The following CFAP44 variants were observed in gnomAD, a reference collection of about 807,000 sequenced individuals.
CFAP44 encodes cilia and flagella associated protein 44, also known as cilia- and flagella-associated protein 44.
A neutral mutation model predicts 216.2 loss-of-function variants in CFAP44; 134 were observed. The ratio of observed to expected loss-of-function variants is 0.62; its 90% CI spans 0.54 to 0.72. The LOEUF (loss-of-function observed/expected upper bound fraction) is 0.72, where lower values mean the gene tolerates loss of function less well. Ranked by LOEUF, CFAP44 falls within the 30% of genes least tolerant of loss-of-function variation. The pLI, the probability that CFAP44 is intolerant of heterozygous loss-of-function variation, is 0.00. For missense variants in CFAP44, 2,035 were observed against 2,182.1 expected (o/e 0.93, Z 1.34); for synonymous variants, 700 against 727.6 (o/e 0.96, Z 0.61).
rs61412100 is a variant in CFAP44 at position 113,401,949 on chromosome 3, T to C, written c.1171-210A>G. 3.0e-4 allele frequency among the ~76,000 whole-genome samples: 45 copies of C among 152,346 alleles called. 3 individuals are homozygous for C. The East Asian group carries it at 8.5e-3, about 29-fold the overall frequency. On this transcript the variant is annotated intron_variant, in intron 9 of 34. Transcript: ENST00000393845. ...GGTATGATAAGCTATTATAGTTTCC[T>C]TTATATTTATAAAGATTAGTGAGAA... is the stretch of plus-strand genomic sequence containing the variant.
chr3:113,317,030 C>T (rs546440127), intron 28 of CFAP44, among the ~76,000 whole-genome samples: 4 of 152,132 alleles, frequency 2.6e-5, no homozygotes, highest in East Asian at 3.9e-4. Context: ...GAGGCAACAG[C>T]GAAGGTGAGG....
intron 15 of CFAP44, among the ~76,000 whole-genome samples, chr3:113,393,444 G>A (rs537877169): frequency 2.0e-5 from 3 of 152,190 alleles, no homozygotes; most frequent in South Asian, 4.1e-4. Flanking sequence ...ATTTCCCTAG[G>A]TGGGGAAGGG....
chr3:113,419,989 G>T (rs201875306), intron 5 of CFAP44, 28 bp downstream of exon 5: 156 of 1,602,918 alleles, frequency 9.7e-5, no homozygotes, highest in South Asian at 2.6e-4. Flanking sequence ...GTTTTTTGGG[G>T]TTTTTTTCTA....
In CFAP44 at chr3:113,420,150, C is replaced by T. The variant is rs773353688; in HGVS notation, c.437G>A (p.Arg146Gln). The change falls in exon 5 of 35, where the codon CGA becomes CAA. Residue 146 changes from arginine (R) to glutamine (Q), a missense_variant. Around this residue, in one of 3 missense-constraint regions of CFAP44, gnomAD observed 1,883 missense variants for 2,023.7 expected, o/e 0.93. Coordinates refer to ENST00000393845, the MANE Select transcript of CFAP44 (RefSeq NM_001164496.2). ...VHSFGYDCRK[R>Q]ANLQLLDDSI... ...GTCGTCCAGAAGTTGTAGGTTGGCTCGCTTTCTACAGTCATAACCAAAAGA... is the reference window on the plus strand; with the variant it reads ...GTCGTCCAGAAGTTGTAGGTTGGCTTGCTTTCTACAGTCATAACCAAAAGA... 4 of 1,613,310 alleles carry T rather than the reference C, an allele frequency of 2.5e-6. No individual in the cohort carries two copies. Among genetic ancestry groups the T allele is most frequent in the South Asian group, 1.1e-5 (1 of 90,910 alleles).
At chr3:113,438,596 C>G (rs1250710504) in intron 1 of CFAP44, among the ~76,000 whole-genome samples, 1 of 152,186 alleles carries the variant, frequency 6.6e-6, no homozygotes, top group Non-Finnish European at 1.5e-5. Flanking sequence ...GATGAAAGAA[C>G]AAGATTGTCA....
intron 15 of CFAP44, among the ~76,000 whole-genome samples, chr3:113,383,818 G>A (rs185438944): frequency 1.2e-4 from 19 of 152,138 alleles, no homozygotes; most frequent in African/African-American, 4.1e-4. Flanking sequence ...TGTTACATAG[G>A]TATACACGTG....
intron 33 of CFAP44, 40 bp from the exon 34 acceptor site, chr3:113,294,861 C>A: frequency 1.4e-6 from 2 of 1,476,232 alleles, no homozygotes; most frequent in South Asian, 2.8e-5. Context: ...GTAGTGAATA[C>A]GAGAAGAAAG....
intron 28 of CFAP44, among the ~76,000 whole-genome samples, chr3:113,311,053 G>C (rs571388796): frequency 3.3e-5 from 5 of 152,186 alleles, no homozygotes; most frequent in African/African-American, 7.2e-5. Flanking sequence ...ATCTCCAACT[G>C]AGTGAAAAAA....
intron 8 of CFAP44, among the ~76,000 whole-genome samples, chr3:113,405,033 A>G (rs1042691251): frequency 6.6e-6 from 1 of 152,214 alleles, no homozygotes; most frequent in Non-Finnish European, 1.5e-5. Flanking sequence ...TTGACTTAAA[A>G]AGTCTTATTT....
Position 113,304,410 on chromosome 3 carries a change from G to A in CFAP44, c.4876-293C>T, listed in dbSNP as rs780752618. On this transcript the variant is annotated intron_variant, in intron 31 of 34. Coordinates refer to ENST00000393845, the MANE Select transcript of CFAP44 (RefSeq NM_001164496.2). ...TCAGGGCTGGCATACTAGGCAAACC[G>A]CTCCATTTAGCTCATCCAGTTTGGG... 225 of 331,294 alleles carry A rather than the reference G, an allele frequency of 6.8e-4. 3 individuals carry two copies. The highest frequency in any genetic ancestry group is 1.0e-3 in the Non-Finnish European group (186 of 181,378). The allele number at this position is 331,294 out of a possible 1,614,324, so 20.5% of individuals were successfully genotyped here. A position where few individuals can be genotyped will look rare whatever the true frequency, so the allele number is the denominator to read the frequency against.
rs989025202 is a variant in CFAP44 at position 113,342,020 on chromosome 3, A to G, written c.3263-102T>C. On this transcript the variant is annotated intron_variant, in intron 23 of 34. Coordinates refer to ENST00000393845, the MANE Select transcript of CFAP44 (RefSeq NM_001164496.2). ...GCATTAGAAAAAACACAGAGAATAT[A>G]TTGAATTTGTAAATCAAAGTATTTA... 8 of 1,306,956 alleles carry G rather than the reference A, an allele frequency of 6.1e-6. No homozygotes were observed. The Admixed American group carries it at 1.6e-4, about 27-fold the overall frequency. The allele number at this position is 1,306,956 out of a possible 1,614,324, so 81.0% of individuals were successfully genotyped here.
intron 22 of CFAP44, among the ~76,000 whole-genome samples, chr3:113,348,992 G>A (rs541013446): frequency 2.8e-4 from 43 of 152,268 alleles, no homozygotes; most frequent in African/African-American, 8.4e-4. Flanking sequence ...AATGACAGCC[G>A]AAGAAAGGGA....
At chr3:113,308,387 G>C (rs1287612748) in intron 28 of CFAP44, 119 bp from the exon 29 acceptor site, 1 of 759,720 alleles carries the variant, frequency 1.3e-6, no homozygotes, top group South Asian at 2.1e-5. Flanking sequence ...CAATATAAGA[G>C]TTTAAAATGG....
chr3:113,291,747 C>A lies in CFAP44; in HGVS notation c.5375G>T (p.Gly1792Val). The A allele has an allele frequency of 6.5e-7, 1 of 1,535,446 alleles. No individual in the cohort carries two copies. Among genetic ancestry groups the A allele is most frequent in the East Asian group, 2.4e-5 (1 of 40,916 alleles). ...SRLNTLQNQQ[G>V]NAFQGPREAD... ...TTCCCGAGGGCCCTGGAAGGCATTG[C>A]CCTGTTGAAAGAAAACAGCTCCCTG... The change falls in exon 35 of 35, where the codon GGC becomes GTC. Residue 1792 changes from glycine (G) to valine (V), a missense_variant and splice_region_variant. Physicochemically the swap from Gly to Val is moderately radical, Grantham distance 109. This residue lies in a region of CFAP44 where 1,883 missense variants were observed against 2,023.7 expected (regional missense o/e 0.93). Transcript: ENST00000393845.
In CFAP44 at chr3:113,308,151, A is replaced by T. The variant is rs1472169844; in HGVS notation, c.4627+7T>A. The T allele has an allele frequency of 6.5e-7, 1 of 1,528,714 alleles. No individual in the cohort carries two copies. The highest frequency in any genetic ancestry group is 2.0e-5 in the Admixed American group (1 of 49,122). The allele number at this position is 1,528,714 out of a possible 1,614,324, so 94.7% of individuals were successfully genotyped here. ...TCACAGAGAACACGTGGTTTTATCT[A>T]ACTTACTTGTTGGGCAAATAGAATC... On this transcript the variant is annotated splice_region_variant and intron_variant, in intron 29 of 34. Transcript: ENST00000393845.
chr3:113,398,179 C>T (rs1934042681), intron 13 of CFAP44, among the ~76,000 whole-genome samples: 1 of 152,176 alleles, frequency 6.6e-6, no homozygotes, highest in Non-Finnish European at 1.5e-5. Flanking sequence ...AAGAATAAGG[C>T]ATGGTTGTCA....
chr3:113,294,326 C>T (rs570047656), intron 34 of CFAP44: 168 of 305,930 alleles, frequency 5.5e-4, no homozygotes, highest in South Asian at 1.1e-3. Flanking sequence ...AAGATGCCCA[C>T]TTCAAGTCAA....
intron 8 of CFAP44, among the ~76,000 whole-genome samples, chr3:113,406,339 T>C (rs944303221): frequency 2.6e-5 from 4 of 152,198 alleles, no homozygotes; most frequent in African/African-American, 7.2e-5. Flanking sequence ...GTAAGTAACA[T>C]AAATACTGCA....
chr3:113,343,777 C>G (rs921444272), intron 23 of CFAP44, among the ~76,000 whole-genome samples: 3 of 152,200 alleles, frequency 2.0e-5, no homozygotes, highest in African/African-American at 7.2e-5. Flanking sequence ...AGTATCAGGA[C>G]AGCGGTTTCA....
Sources: allele counts gnomAD v4.1 joint callset (sites outside exome capture counted in the v4.1 genomes callset), GRCh38; gene constraint gnomAD v4.1.1; regional missense constraint gnomAD v4.1.1; transcripts MANE v1.5; gene names NCBI Gene and HGNC (gene_info 2026-07-23, HGNC 2026-07-21).